The following TVP23A variants were observed in gnomAD, a reference collection of about 807,000 sequenced individuals.
TVP23A encodes the protein Golgi apparatus membrane protein TVP23 homolog A.
In TVP23A, 21 loss-of-function variants were observed where a neutral mutation model predicts 31.7. The ratio of observed to expected loss-of-function variants is 0.66; its 90% CI spans 0.47 to 0.95. TVP23A has a LOEUF of 0.95. Ranked by LOEUF, TVP23A falls within the 40% of genes least tolerant of loss-of-function variation. The probability of loss-of-function intolerance (pLI) is 0.00; values close to 1 mark genes in which losing one functional copy is unlikely to be tolerated. For synonymous variants in TVP23A, 104 were observed against 96.0 expected (o/e 1.08, Z -0.49); for missense variants, 279 against 255.6 (o/e 1.09, Z -0.62).
At chr16:10,757,946 G>T, downstream of TVP23A, 1 of 1,614,114 alleles carries the variant, frequency 6.2e-7, no homozygotes, top group Non-Finnish European at 8.5e-7. This position sits in a 1 kb window ranked among gnomAD's most constrained non-coding sequence, Gnocchi z 4.1. Flanking sequence ...CCCCACCTGG[G>T]ACGTCGGATG....
rs2034533163 is a variant in TVP23A at position 10,818,317 on chromosome 16, C to A, written c.10-135G>T. On this transcript the variant is annotated intron_variant, in intron 1 of 7. Coordinates refer to ENST00000299866, the MANE Select transcript of TVP23A (RefSeq NM_001079512.4). This position sits in a 1 kb window ranked among gnomAD's most constrained non-coding sequence, Gnocchi z 4.7. ...AGTGGACCCTCCGAGCTGGCGGGGC[C>A]CCTCCGCTGCGGCTGCAGTGCAAAG... 7.5e-7 allele frequency: 1 copy of A among 1,337,796 alleles called. No individual in the cohort carries two copies. The highest frequency in any genetic ancestry group is 1.4e-5 in the African/African-American group (1 of 69,072). The allele number at this position is 1,337,796 out of a possible 1,614,324, so 82.9% of individuals were successfully genotyped here. A position where few individuals can be genotyped will look rare whatever the true frequency, so the allele number is the denominator to read the frequency against.
intron 2 of TVP23A, among the ~76,000 whole-genome samples, chr16:10,799,586 T>C (rs963416220): frequency 6.6e-6 from 1 of 152,252 alleles, no homozygotes; most frequent in Non-Finnish European, 1.5e-5. Flanking sequence ...CTCTCATCTC[T>C]GCCTCCCAAA....
In TVP23A at chr16:10,818,524, GC is replaced by G. The variant is rs771039134; in HGVS notation, c.-32del. On this transcript the variant is annotated 5_prime_UTR_variant, in exon 1 of 8. Coordinates refer to ENST00000299866, the MANE Select transcript of TVP23A (RefSeq NM_001079512.4). The surrounding 1 kb of genome is among the most constrained non-coding windows in gnomAD (Gnocchi z 4.7). ...TCCCAGGAGCCCACCTGGCGCCCAG[GC>G]CCGGGGCTCCAGCTCCGCCCGTCGC... is the stretch of plus-strand genomic sequence containing the variant. The G allele has an allele frequency of 6.3e-7, 1 of 1,599,274 alleles. No individual in the cohort carries two copies. Among genetic ancestry groups the G allele is most frequent in the Non-Finnish European group, 8.5e-7 (1 of 1,177,504 alleles).
At chr16:10,806,964 T>C (rs1443073721) in intron 2 of TVP23A, among the ~76,000 whole-genome samples, 1 of 152,242 alleles carries the variant, frequency 6.6e-6, no homozygotes, top group Admixed American at 6.5e-5. Context: ...GTTCCGTGAT[T>C]CTGTGGGTTA....
chr16:10,818,328 G>A lies in TVP23A; in HGVS notation c.10-146C>T, dbSNP rs1387947615. 3.0e-6 allele frequency: 4 copies of A among 1,353,574 alleles called. No homozygotes were observed. Among genetic ancestry groups the A allele is most frequent in the South Asian group, 1.3e-5 (1 of 76,976 alleles). 83.8% of individuals were successfully genotyped at this position (1,353,574 alleles called of 1,614,324 possible). The stretch of plus-strand genomic sequence containing the variant: ...CGAGCTGGCGGGGCCCCTCCGCTGC[G>A]GCTGCAGTGCAAAGCCCTCTCCACC... On this transcript the variant is annotated intron_variant, in intron 1 of 7. Transcript: ENST00000299866. This position sits in a 1 kb window ranked among gnomAD's most constrained non-coding sequence, Gnocchi z 4.7.
At chr16:10,769,829 C>T (rs11074923) in intron 7 of TVP23A, among the ~76,000 whole-genome samples, 45,864 of 152,006 alleles carry the variant, frequency 0.3, 7,809 homozygotes, top group African/African-American at 0.47. Context: ...TACGATCATC[C>T]TCTTTGCCAT....
chr16:10,757,715 T>C (rs1314498046), downstream of TVP23A, among the ~76,000 whole-genome samples: 2 of 151,914 alleles, frequency 1.3e-5, no homozygotes, highest in African/African-American at 4.8e-5. This position sits in a 1 kb window ranked among gnomAD's most constrained non-coding sequence, Gnocchi z 4.1. Flanking sequence ...ATAGTCCTAG[T>C]TACTTGGGAG....
chr16:10,812,974 CCT>C (rs1417816867), intron 2 of TVP23A, among the ~76,000 whole-genome samples: 1 of 152,072 alleles, frequency 6.6e-6, no homozygotes, highest in Non-Finnish European at 1.5e-5. Context: ...GCTAACATTT[CCT>C]CTGTGTGCCC....
At chr16:10,778,333 C>CGAA (rs1555480114) in intron 2 of TVP23A, among the ~76,000 whole-genome samples, 1 of 152,116 alleles carries the variant, frequency 6.6e-6, no homozygotes, top group Non-Finnish European at 1.5e-5. Flanking sequence ...ATCGCTGTCT[C>CGAA]GAAGAATTAG....
At chr16:10,761,945 G>C (rs2029981199), downstream of TVP23A, 2 of 1,033,436 alleles carry the variant, frequency 1.9e-6, no homozygotes, top group Non-Finnish European at 2.9e-6. Flanking sequence ...CGGCTACAGA[G>C]AGGGGCAATG....
chr16:10,787,612 T>TA (rs2032844938), intron 2 of TVP23A, among the ~76,000 whole-genome samples: 1 of 152,172 alleles, frequency 6.6e-6, no homozygotes, highest in South Asian at 2.1e-4. Flanking sequence ...CTGTGGGCTC[T>TA]ATGTAAATCA....
In TVP23A at chr16:10,818,676, C is replaced by T. The variant is rs1443721175; in HGVS notation, c.-183G>A. Reference sequence around the variant, plus strand: ...TCGGGTGGGGCGGGGCGCTCGGGGCCTAAGGCGCAGTCGCAGGCTGGGGAG... The same window carrying T: ...TCGGGTGGGGCGGGGCGCTCGGGGCTTAAGGCGCAGTCGCAGGCTGGGGAG... On this transcript the variant is annotated 5_prime_UTR_variant, in exon 1 of 8. Coordinates refer to ENST00000299866, the MANE Select transcript of TVP23A (RefSeq NM_001079512.4). The surrounding 1 kb of genome is among the most constrained non-coding windows in gnomAD (Gnocchi z 4.7). 1 of 660,526 alleles carries T rather than the reference C, an allele frequency of 1.5e-6. No individual in the cohort carries two copies. Among genetic ancestry groups the T allele is most frequent in the African/African-American group, 1.9e-5 (1 of 51,668 alleles). The allele number at this position is 660,526 out of a possible 1,614,324, so 40.9% of individuals were successfully genotyped here.
At chr16:10,770,947 C>G (rs2031566762) in intron 6 of TVP23A, among the ~76,000 whole-genome samples, 1 of 147,696 alleles carries the variant, frequency 6.8e-6, no homozygotes, top group Non-Finnish European at 1.5e-5. Flanking sequence ...TTAAAAATCA[C>G]TGAAAACTAA....
chr16:10,771,912 G>A (rs1053311079), intron 5 of TVP23A, 114 bp from the exon 6 acceptor site: 19 of 1,376,262 alleles, frequency 1.4e-5, no homozygotes, highest in African/African-American at 4.3e-5. Flanking sequence ...TCCGCCTCCC[G>A]GGTTCACACC....
chr16:10,798,587 A>G (rs1159707005), intron 2 of TVP23A, among the ~76,000 whole-genome samples: 4 of 152,236 alleles, frequency 2.6e-5, no homozygotes, highest in Admixed American at 6.5e-5. Context: ...AGAGTGGCCA[A>G]TAAAATATAT....
Position 10,818,142 on chromosome 16 carries a change from C to T in TVP23A, c.50G>A (p.Gly17Glu). ...CCTAAAGGCCAGCTCCTCCTCGTTT[C>T]CAAAGTCCAGGGACACATCCTCGGT... ...DDTEDVSLDF[G>E]NEEELAFRKA... Residue 17 changes from glycine (G) to glutamate (E), a missense_variant, in exon 2 of 8, where the codon GGA (glycine) becomes GAA (glutamate). Physicochemically the swap from Gly to Glu is moderately conservative, Grantham distance 98. Transcript: ENST00000299866. The surrounding 1 kb of genome is among the most constrained non-coding windows in gnomAD (Gnocchi z 4.7). 6.2e-7 allele frequency: 1 copy of T among 1,609,194 alleles called. No homozygotes were observed. Among genetic ancestry groups the T allele is most frequent in the Non-Finnish European group, 8.5e-7 (1 of 1,177,948 alleles).
rs1463519533 is a variant in TVP23A at position 10,771,553 on chromosome 16, A to C, written c.582+117T>G. 5.2e-6 allele frequency: 7 copies of C among 1,346,970 alleles called. No homozygotes were observed. In the South Asian group the frequency reaches 7.9e-5, roughly 15 times the overall value. 83.4% of individuals were successfully genotyped at this position (1,346,970 alleles called of 1,614,324 possible). ...CTGTCTCCCAAAAAATATATAAACAATAAAACATTGGCAGCCTGGCGGATA... is the reference window on the plus strand; with the variant it reads ...CTGTCTCCCAAAAAATATATAAACACTAAAACATTGGCAGCCTGGCGGATA... On this transcript the variant is annotated intron_variant, in intron 6 of 7. Coordinates refer to ENST00000299866, the MANE Select transcript of TVP23A (RefSeq NM_001079512.4).
chr16:10,792,442 G>A lies in TVP23A; in HGVS notation c.90-17346C>T, dbSNP rs143235148. On this transcript the variant is annotated intron_variant, in intron 2 of 7. Coordinates refer to ENST00000299866, the MANE Select transcript of TVP23A (RefSeq NM_001079512.4). ...CCACTAGTTCCACCATACCTCCTGG[G>A]AGTTACGAAATGCAGGACCCACAAC... Among the ~76,000 whole-genome samples, 347 of 152,240 alleles carry A rather than the reference G, an allele frequency of 2.3e-3. 1 individual carries two copies. The highest frequency in any genetic ancestry group is 0.02 in the Middle Eastern group (6 of 294).
intron 2 of TVP23A, among the ~76,000 whole-genome samples, chr16:10,781,370 A>C (rs1159439325): frequency 6.6e-6 from 1 of 151,900 alleles, no homozygotes; most frequent in Non-Finnish European, 1.5e-5. Context: ...AAAATGACAC[A>C]GTGATGAAAG....
Sources: gnomAD v4.1 joint callset for allele counts (sites outside exome capture counted in the v4.1 genomes callset) on GRCh38, gnomAD v4.1.1 for gene constraint, Gnocchi (gnomAD v3.1) non-coding constraint, MANE v1.5 for transcripts, NCBI Gene and HGNC (gene_info 2026-07-23, HGNC 2026-07-21) for gene names.